ANKRD30BL: variants seen among roughly 807,000 people sequenced by gnomAD.
ANKRD30BL encodes ankyrin repeat domain 30B like.
In ANKRD30BL, 20 loss-of-function variants were observed where a neutral mutation model predicts 18.4. That is an observed-to-expected ratio of 1.09 (90% CI 0.77 to 1.58). The LOEUF is 1.58. Among genes scored for constraint, ANKRD30BL ranks in the 40% most tolerant of loss-of-function variants. The pLI, the probability that ANKRD30BL is intolerant of heterozygous loss-of-function variation, is 0.00. For missense variants in ANKRD30BL, 224 were observed against 268.6 expected (o/e 0.83, Z 1.16); for synonymous variants, 72 against 100.9 (o/e 0.71, Z 1.72).
upstream of ANKRD30BL, among the ~76,000 whole-genome samples, chr2:132,164,393 C>T (rs577707245): frequency 3.5e-3 from 532 of 150,766 alleles, 1 homozygote; most frequent in African/African-American, 0.012. Flanking sequence ...CAGGTTCAAG[C>T]GATTCTCCTG....
At chr2:132,192,387 G>T (rs1421844821) in intron 1 of ANKRD30BL, among the ~76,000 whole-genome samples, 7 of 152,166 alleles carry the variant, frequency 4.6e-5, no homozygotes, top group African/African-American at 1.7e-4. Flanking sequence ...CTCAGTGAAA[G>T]AATTACAACA....
At chr2:132,222,212 G>T (rs531245137) in intron 1 of ANKRD30BL, among the ~76,000 whole-genome samples, 2 of 140,816 alleles carry the variant, frequency 1.4e-5, no homozygotes, top group Admixed American at 7.1e-5. Context: ...GGAGGGTGGT[G>T]GGGGGGTCAG....
chr2:132,159,588 A>G (rs6707621), intron 1 of ANKRD30BL, among the ~76,000 whole-genome samples: 13,946 of 152,194 alleles, frequency 0.092, 1,421 homozygotes, highest in African/African-American at 0.24. Context: ...TCTCTAACTT[A>G]AATTGCTCAA....
chr2:132,200,574 A>T (rs1679077092), intron 1 of ANKRD30BL, among the ~76,000 whole-genome samples: 2 of 152,346 alleles, frequency 1.3e-5, no homozygotes, highest in South Asian at 4.1e-4. Flanking sequence ...ATACCTAGGA[A>T]TCGGACTTAC....
intron 1 of ANKRD30BL, among the ~76,000 whole-genome samples, chr2:132,222,832 TAAAAAAAAAAAAA>T (rs71001178): frequency 0.027 from 1,426 of 52,878 alleles, 35 homozygotes; most frequent in African/African-American, 0.068. Context: ...GAATGATCAA[TAAAAAAAAAAAAA>T]AAAAAAAAAA....
At chr2:132,215,186 C>G (rs1679463707) in intron 1 of ANKRD30BL, among the ~76,000 whole-genome samples, 1 of 152,114 alleles carries the variant, frequency 6.6e-6, no homozygotes, top group Non-Finnish European at 1.5e-5. Context: ...AACATCTTCA[C>G]ATAAGCACTA....
chr2:132,221,223 C>A (rs1307157077), intron 1 of ANKRD30BL, among the ~76,000 whole-genome samples: 2 of 146,910 alleles, frequency 1.4e-5, no homozygotes, highest in Non-Finnish European at 3.0e-5. Flanking sequence ...CGGCCAGCCG[C>A]CCCGTCCGGG....
chr2:132,155,061 C>T, intron 3 of ANKRD30BL: 1 of 237,000 alleles, frequency 4.2e-6, no homozygotes, highest in Non-Finnish European at 8.2e-6. Context: ...TCTTTTACCT[C>T]TATGTCCTTA....
chr2:132,240,393 G>A (rs543339473), intron 1 of ANKRD30BL, among the ~76,000 whole-genome samples: 6 of 151,018 alleles, frequency 4.0e-5, no homozygotes, highest in African/African-American at 1.2e-4. Flanking sequence ...AAAGTGGAAC[G>A]TTACTTTTCA....
chr2:132,183,463 G>A (rs1303293045), intron 1 of ANKRD30BL, among the ~76,000 whole-genome samples: 1 of 152,022 alleles, frequency 6.6e-6, no homozygotes, highest in Non-Finnish European at 1.5e-5. Context: ...TAAATATGAC[G>A]TAAAAAAGGG....
intron 1 of ANKRD30BL, among the ~76,000 whole-genome samples, chr2:132,211,037 T>G (rs1180265715): frequency 6.6e-6 from 1 of 151,930 alleles, no homozygotes; most frequent in East Asian, 1.9e-4. Context: ...CAGCCTATGG[T>G]GGAAAAGGAA....
intron 1 of ANKRD30BL, among the ~76,000 whole-genome samples, chr2:132,253,645 C>T (rs13414476): frequency 0.027 from 4,150 of 152,120 alleles, 118 homozygotes; most frequent in African/African-American, 0.075. Flanking sequence ...GCCGGGGGGA[C>T]GGAGTCGGCA....
chr2:132,255,416 G>A (rs530702345), intron 1 of ANKRD30BL, among the ~76,000 whole-genome samples: 11 of 151,876 alleles, frequency 7.2e-5, no homozygotes, highest in South Asian at 2.1e-4. Flanking sequence ...TAAGTGCTTC[G>A]GGCCACAGGA....
At chr2:132,189,232 G>T in intron 1 of ANKRD30BL, among the ~76,000 whole-genome samples, 1 of 152,172 alleles carries the variant, frequency 6.6e-6, no homozygotes, top group East Asian at 1.9e-4. Flanking sequence ...GTGTAGGTAG[G>T]CATAAGTAAG....
At chr2:132,185,611 T>G (rs919527433) in intron 1 of ANKRD30BL, among the ~76,000 whole-genome samples, 14 of 152,178 alleles carry the variant, frequency 9.2e-5, no homozygotes, top group African/African-American at 3.4e-4. Context: ...AGGAAATGTT[T>G]TATCTTGGGA....
At chr2:132,246,515 G>A (rs77867320) in intron 1 of ANKRD30BL, among the ~76,000 whole-genome samples, 1 of 151,732 alleles carries the variant, frequency 6.6e-6, no homozygotes, top group African/African-American at 2.4e-5. Context: ...TTTGTGATGT[G>A]TGCATTCAAC....
chr2:132,184,079 A>AT lies in ANKRD30BL; in HGVS notation n.442-26934dup, dbSNP rs907931002. Among the ~76,000 whole-genome samples, 291 of 147,072 alleles carry AT rather than the reference A, an allele frequency of 2.0e-3. 2 individuals are homozygous for AT. The highest frequency in any genetic ancestry group is 5.1e-3 in the African/African-American group (204 of 40,266). On this transcript the variant is annotated intron_variant and non_coding_transcript_variant, in intron 1 of 4. Coordinates refer to the ANKRD30BL transcript ENST00000470729. ...AAGCACAGGGGATAAAGGAATCAAG[A>AT]TTTTTTTTTTTTGAGATGAAGTCTC...
chr2:132,222,792 GC>G (rs1227958603), intron 1 of ANKRD30BL, among the ~76,000 whole-genome samples: 3 of 115,112 alleles, frequency 2.6e-5, no homozygotes, highest in African/African-American at 9.4e-5. Context: ...CTATGACCCT[GC>G]CAAATCCCCT....
intron 1 of ANKRD30BL, among the ~76,000 whole-genome samples, chr2:132,204,152 A>G (rs1679164100): frequency 6.6e-6 from 1 of 152,188 alleles, no homozygotes; most frequent in African/African-American, 2.4e-5. Flanking sequence ...TAGACAGAAA[A>G]CAAGTAAAAA....
Sources: allele counts gnomAD v4.1 joint callset (sites outside exome capture counted in the v4.1 genomes callset), GRCh38; gene constraint gnomAD v4.1.1; transcripts MANE v1.5; gene names NCBI Gene and HGNC (gene_info 2026-07-23, HGNC 2026-07-21).